The following PDZD2 variants were observed in gnomAD, a reference collection of about 807,000 sequenced individuals.
The protein encoded by PDZD2 is PDZ domain-containing protein 2.
In PDZD2, 90 loss-of-function variants were observed where a neutral mutation model predicts 220.7. That is an observed-to-expected ratio of 0.41 (90% confidence interval 0.34 to 0.49). PDZD2 has a LOEUF of 0.49. Ranked by LOEUF, PDZD2 falls within the 20% of genes least tolerant of loss-of-function variation. The pLI is 0.28. For synonymous variants in PDZD2, 1,375 were observed against 1,450.5 expected (o/e 0.95, Z 1.18); for missense variants, 3,174 against 3,608.5 (o/e 0.88, Z 3.08).
In PDZD2 at chr5:31,983,601, G is replaced by A. The variant is rs753938084; in HGVS notation, c.923G>A (p.Arg308His). 4.3e-6 allele frequency: 7 copies of A among 1,614,010 alleles called. No homozygotes were observed. The highest frequency in any genetic ancestry group is 5.1e-6 in the Non-Finnish European group (6 of 1,180,000). The change falls in exon 3 of 25, where the codon CGC becomes CAC. Residue 308 changes from arginine (R) to histidine (H), a missense_variant. This residue lies in a region of PDZD2 where 632 missense variants were observed against 708.1 expected (regional missense o/e 0.89). Coordinates refer to ENST00000438447, the MANE Select transcript of PDZD2 (RefSeq NM_178140.4). The part of the protein sequence containing the change: ...DAPLTTSNDK[R>H]RFSKGGKTDF... ...CCTCTGACCACAAGCAATGACAAAC[G>A]CCGCTTCTCAAAAGGTGGGAAGACG... is the stretch of plus-strand genomic sequence containing the variant.
At chr5:32,061,237 C>A (rs1250177508) in intron 14 of PDZD2, 103 bp downstream of exon 14, 4 of 1,096,318 alleles carry the variant, frequency 3.6e-6, no homozygotes, top group African/African-American at 1.5e-5. Flanking sequence ...GATAGGCAGG[C>A]AACCTACGGG....
chr5:31,647,686 G>C (rs2150104485), intron 1 of PDZD2, among the ~76,000 whole-genome samples: 1 of 152,326 alleles, frequency 6.6e-6, no homozygotes, highest in Non-Finnish European at 1.5e-5. Context: ...AAATAATTCA[G>C]GATGATTCCA....
In PDZD2 at chr5:31,730,583, T is replaced by TG. The variant is rs1418024731; in HGVS notation, c.-360-68305dup. 1.0e-3 allele frequency among the ~76,000 whole-genome samples: 115 copies of TG among 114,122 alleles called. 2 individuals are homozygous for TG. In the Middle Eastern group the frequency reaches 0.014, roughly 14 times the overall value. The allele number at this position is 114,122 out of a possible 152,430, so 74.9% of individuals were successfully genotyped here. Reference sequence around the variant, plus strand: ...GTGTGTGTGTGTGTGTGTGTGTGTGTGTGTGTGTGGTGTGTGTGTGTGTGT... The same window carrying TG: ...GTGTGTGTGTGTGTGTGTGTGTGTGTGGTGTGTGTGGTGTGTGTGTGTGTGT... On this transcript the variant is annotated intron_variant, in intron 1 of 24. Coordinates refer to ENST00000438447, the MANE Select transcript of PDZD2 (RefSeq NM_178140.4).
At chr5:32,006,829 A>T (rs1752850092) in intron 5 of PDZD2, among the ~76,000 whole-genome samples, 1 of 149,492 alleles carries the variant, frequency 6.7e-6, no homozygotes, top group African/African-American at 2.5e-5. Context: ...GGCTGGGACC[A>T]TAGGCACGTG....
intron 1 of PDZD2, among the ~76,000 whole-genome samples, chr5:31,752,066 TGG>T (rs372519202): frequency 1.6e-4 from 17 of 103,868 alleles, no homozygotes; most frequent in African/African-American, 2.5e-4. Context: ...TTTATTGTTT[TGG>T]GTTTGTTTTT....
At chr5:31,709,276 C>T (rs751531992) in intron 1 of PDZD2, among the ~76,000 whole-genome samples, 1 of 151,868 alleles carries the variant, frequency 6.6e-6, no homozygotes, top group Non-Finnish European at 1.5e-5. Flanking sequence ...TGCTTGAGCT[C>T]AGGAGTTCAA....
intron 19 of PDZD2, among the ~76,000 whole-genome samples, chr5:32,079,865 G>T (rs539236617): frequency 2.5e-4 from 38 of 152,118 alleles, no homozygotes; most frequent in African/African-American, 9.2e-4. Flanking sequence ...TACCCTGATG[G>T]CTACTCACAG....
Position 31,725,864 on chromosome 5 carries a change from C to A in PDZD2, c.-360-73025C>A, listed in dbSNP as rs190520442. The stretch of plus-strand genomic sequence containing the variant: ...GGAATGGCTTCTGCTACGCCGTGGT[C>A]TTCCAGTTGGTCTTTTTCTAGGACT... On this transcript the variant is annotated intron_variant, in intron 1 of 24. Transcript: ENST00000438447. The A allele has an allele frequency of 2.8e-5, 22 of 773,424 alleles. No homozygotes were observed. In the African/African-American group the frequency reaches 3.6e-4, roughly 13 times the overall value. 47.9% of individuals were successfully genotyped at this position (773,424 alleles called of 1,614,324 possible).
intron 2 of PDZD2, among the ~76,000 whole-genome samples, chr5:31,812,566 G>A (rs1258948385): frequency 6.6e-6 from 1 of 152,076 alleles, no homozygotes; most frequent in East Asian, 1.9e-4. Flanking sequence ...AGCCTCTCAA[G>A]TAGCTGAGAC....
intron 6 of PDZD2, among the ~76,000 whole-genome samples, chr5:32,013,322 C>CTTTTTTTTTTTTTTTTT: frequency 7.4e-6 from 1 of 135,828 alleles, no homozygotes; most frequent in African/African-American, 2.7e-5. Context: ...TCTGTGTTAT[C>CTTTTTTTTTTTTTTTTT]TTTTTTTTTT....
intron 1 of PDZD2, among the ~76,000 whole-genome samples, chr5:31,662,103 G>A (rs1195520652): frequency 1.3e-5 from 2 of 152,072 alleles, no homozygotes; most frequent in East Asian, 3.9e-4. Flanking sequence ...CTGAGGTTAG[G>A]AGTTCGTGAC....
chr5:31,774,449 C>T (rs1468772768), intron 1 of PDZD2, among the ~76,000 whole-genome samples: 1 of 152,170 alleles, frequency 6.6e-6, no homozygotes, highest in Non-Finnish European at 1.5e-5. Flanking sequence ...TGTGGTGGCT[C>T]ATACCTGTAA....
At chr5:31,819,113 T>C (rs1755656851) in intron 2 of PDZD2, among the ~76,000 whole-genome samples, 1 of 152,234 alleles carries the variant, frequency 6.6e-6, no homozygotes, top group African/African-American at 2.4e-5. Context: ...AAGGATTCTC[T>C]AAGCATCTAC....
chr5:32,101,091 C>T lies in PDZD2; in HGVS notation c.8219-14C>T, dbSNP rs190039092. The T allele has an allele frequency of 7.1e-5, 114 of 1,613,978 alleles. No homozygotes were observed. Among genetic ancestry groups the T allele is most frequent in the African/African-American group, 2.3e-4 (17 of 75,010 alleles). On this transcript the variant is annotated splice_polypyrimidine_tract_variant and intron_variant, in intron 23 of 24. Coordinates refer to ENST00000438447, the MANE Select transcript of PDZD2 (RefSeq NM_178140.4). ...ACCCTGTCATTTTCATCTTGGTGCA[C>T]GCTGCGGCTGCAGGGAGAAGTGTGG...
At chr5:31,907,194 A>AT (rs899079763) in intron 2 of PDZD2, among the ~76,000 whole-genome samples, 41 of 152,188 alleles carry the variant, frequency 2.7e-4, no homozygotes, top group African/African-American at 9.4e-4. Context: ...AATGATAGAC[A>AT]TTTATTTTCT....
intron 2 of PDZD2, among the ~76,000 whole-genome samples, chr5:31,858,380 A>C (rs1336870019): frequency 6.6e-6 from 1 of 152,228 alleles, no homozygotes; most frequent in African/African-American, 2.4e-5. Context: ...CCTCCTTTGC[A>C]AAAATTAGTA....
At chr5:32,094,623 G>A (rs1743466196) in intron 21 of PDZD2, among the ~76,000 whole-genome samples, 1 of 151,546 alleles carries the variant, frequency 6.6e-6, no homozygotes, top group African/African-American at 2.4e-5. Context: ...GTTAAGACAT[G>A]CCTTGACAGG....
chr5:31,870,984 G>A (rs1432143027), intron 2 of PDZD2, among the ~76,000 whole-genome samples: 8 of 151,944 alleles, frequency 5.3e-5, no homozygotes, highest in Admixed American at 2.0e-4. Context: ...AAATGTAGCT[G>A]TAATCACAGG....
chr5:32,024,682 CAA>C (rs1247455994), intron 6 of PDZD2, among the ~76,000 whole-genome samples: 1 of 33,516 alleles, frequency 3.0e-5, no homozygotes, highest in Non-Finnish European at 9.2e-5. Context: ...GACTTCATCT[CAA>C]AAAAAAAAAG....
Sources: gnomAD v4.1 joint callset for allele counts (sites outside exome capture counted in the v4.1 genomes callset) on GRCh38, gnomAD v4.1.1 for gene constraint, gnomAD v4.1.1 regional missense constraint, MANE v1.5 for transcripts, NCBI Gene and HGNC (gene_info 2026-07-23, HGNC 2026-07-21) for gene names.